Variants in PDE11A observed in about 807,000 individuals in gnomAD.
PDE11A encodes phosphodiesterase 11A.
PDE11A carries 100 observed loss-of-function variants against 100.5 expected under a neutral mutation model. The observed-to-expected ratio is 1.00, with a 90% CI of 0.85 to 1.18. PDE11A has a LOEUF of 1.18. Ranked by LOEUF, PDE11A falls within the 50% of genes most tolerant of loss-of-function variation. PDE11A has a pLI of 0.00. For synonymous variants in PDE11A, 381 were observed against 420.8 expected, an observed-to-expected ratio of 0.91 and a Z score of 1.16; for missense variants, 1,141 against 1,152.6, an observed-to-expected ratio of 0.99 and a Z score of 0.15.
intron 5 of PDE11A, among the ~76,000 whole-genome samples, chr2:177,851,719 G>T (rs2083709911): frequency 6.6e-6 from 1 of 151,504 alleles, no homozygotes; most frequent in Non-Finnish European, 1.5e-5. Flanking sequence ...GACTCTTTCT[G>T]TTTTTCGTTT....
chr2:178,070,605 T>C (rs1236691248), intron 1 of PDE11A, among the ~76,000 whole-genome samples: 1 of 152,192 alleles, frequency 6.6e-6, no homozygotes, highest in African/African-American at 2.4e-5. Flanking sequence ...AGTGAATAAG[T>C]ACTGAAGAAA....
chr2:178,026,671 A>G (rs546171325), intron 1 of PDE11A, among the ~76,000 whole-genome samples: 1 of 152,156 alleles, frequency 6.6e-6, no homozygotes, highest in South Asian at 2.1e-4. Context: ...AAAAAAAAAA[A>G]AAGAAAAGAA....
chr2:177,826,773 C>T (rs973349937), intron 6 of PDE11A, among the ~76,000 whole-genome samples: 2 of 152,194 alleles, frequency 1.3e-5, no homozygotes, highest in Non-Finnish European at 2.9e-5. Context: ...AACTTCTAAC[C>T]TCTAACCTTC....
At chr2:178,025,141 T>C (rs2086463221) in intron 1 of PDE11A, among the ~76,000 whole-genome samples, 1 of 152,174 alleles carries the variant, frequency 6.6e-6, no homozygotes, top group Non-Finnish European at 1.5e-5. Context: ...CAAAAAAGAA[T>C]CTCCAAATTC....
At position 178,072,453 on chromosome 2, in the gene PDE11A, T is replaced by C; in HGVS notation, c.-16A>G. 6.2e-7 allele frequency: 1 copy of C among 1,612,948 alleles called. No individual in the cohort carries two copies. Among genetic ancestry groups the C allele is most frequent in the Non-Finnish European group, 8.5e-7 (1 of 1,180,010 alleles). ...AGGCTGCCATGGTCCCAGACAGCTT[T>C]CCTTGCCTGTTTACACGTGAACCAA... is the stretch of plus-strand genomic sequence containing the variant. On this transcript the variant is annotated 5_prime_UTR_variant, in exon 1 of 20. Transcript: ENST00000286063.
intron 2 of PDE11A, among the ~76,000 whole-genome samples, chr2:177,964,519 T>C (rs1184498037): frequency 6.6e-6 from 1 of 152,148 alleles, no homozygotes; most frequent in Non-Finnish European, 1.5e-5. Flanking sequence ...TAGGTAGTTT[T>C]TTGATCTTCA....
chr2:177,840,106 G>A, intron 6 of PDE11A, 145 bp downstream of exon 6: 1 of 789,052 alleles, frequency 1.3e-6, no homozygotes, highest in Non-Finnish European at 2.1e-6. Context: ...TTCTAACTTA[G>A]AGTCAACAGT....
chr2:177,736,082 C>T (rs1357922665), intron 10 of PDE11A, among the ~76,000 whole-genome samples: 16 of 152,148 alleles, frequency 1.1e-4, no homozygotes, highest in Non-Finnish European at 2.9e-5. Flanking sequence ...TTTGTGTCCT[C>T]CAGGGAAAAG....
intron 10 of PDE11A, among the ~76,000 whole-genome samples, chr2:177,756,650 G>A (rs1430174010): frequency 6.6e-6 from 1 of 152,166 alleles, no homozygotes; most frequent in Non-Finnish European, 1.5e-5. Flanking sequence ...TATGTGTTAG[G>A]AAAATGAACC....
chr2:177,779,025 T>A (rs1010798396), intron 9 of PDE11A, among the ~76,000 whole-genome samples: 3 of 152,172 alleles, frequency 2.0e-5, no homozygotes, highest in African/African-American at 7.2e-5. Context: ...AATACAGGCA[T>A]ACCTCAGAGA....
At chr2:177,942,934 A>G (rs2085361923) in intron 2 of PDE11A, among the ~76,000 whole-genome samples, 1 of 151,964 alleles carries the variant, frequency 6.6e-6, no homozygotes, top group African/African-American at 2.4e-5. Context: ...GAATTCAACT[A>G]CTTTAGATAC....
chr2:177,791,244 G>A (rs1331770069), intron 9 of PDE11A, among the ~76,000 whole-genome samples: 1 of 151,730 alleles, frequency 6.6e-6, no homozygotes, highest in Non-Finnish European at 1.5e-5. Flanking sequence ...GTAGGGACAT[G>A]GATGAAATTG....
chr2:177,869,247 T>C (rs147350918), intron 5 of PDE11A, among the ~76,000 whole-genome samples: 1 of 152,266 alleles, frequency 6.6e-6, no homozygotes, highest in African/African-American at 2.4e-5. Context: ...AAGTTCATCA[T>C]GACGTGCTGG....
chr2:177,689,318 G>T (rs559179676), intron 15 of PDE11A, among the ~76,000 whole-genome samples: 1 of 152,256 alleles, frequency 6.6e-6, no homozygotes, highest in South Asian at 2.1e-4. Flanking sequence ...CTGACCTCAG[G>T]TGATCCACCT....
chr2:177,636,370 A>ATTTT (rs2080038642), intron 19 of PDE11A, among the ~76,000 whole-genome samples: 2 of 152,172 alleles, frequency 1.3e-5, no homozygotes, highest in Admixed American at 1.3e-4. Flanking sequence ...CTCTGAAAGA[A>ATTTT]ACTCCCCAAA....
chr2:177,929,312 T>G (rs10198877), intron 2 of PDE11A, among the ~76,000 whole-genome samples: 13,162 of 152,242 alleles, frequency 0.086, 540 homozygotes, highest in South Asian at 0.1. Flanking sequence ...TATTTTGAGA[T>G]ACCACTTTTT....
chr2:177,699,661 T>C (rs1197247415), intron 14 of PDE11A, among the ~76,000 whole-genome samples: 4 of 152,198 alleles, frequency 2.6e-5, no homozygotes, highest in Non-Finnish European at 5.9e-5. Context: ...AAGAAAGGTC[T>C]GGGCAAACTT....
intron 1 of PDE11A, among the ~76,000 whole-genome samples, chr2:178,050,977 C>T (rs1397284919): frequency 6.6e-6 from 1 of 152,124 alleles, no homozygotes; most frequent in Non-Finnish European, 1.5e-5. Flanking sequence ...GCAAGGCAGA[C>T]CAACATTCAA....
chr2:177,723,728 A>T (rs984374121), intron 12 of PDE11A, among the ~76,000 whole-genome samples: 1 of 152,176 alleles, frequency 6.6e-6, no homozygotes, highest in Admixed American at 6.5e-5. Flanking sequence ...TCAAAGTGCT[A>T]ATGAGTACAT....
Sources: allele counts gnomAD v4.1 joint callset (sites outside exome capture counted in the v4.1 genomes callset), GRCh38; gene constraint gnomAD v4.1.1; transcripts MANE v1.5; gene names NCBI Gene and HGNC (gene_info 2026-07-23, HGNC 2026-07-21).